The following KIAA1217 variants were observed in gnomAD, a reference collection of about 807,000 sequenced individuals.
KIAA1217 encodes the protein KIAA1217.
Under a neutral mutation model 163.9 loss-of-function variants are expected in KIAA1217, and 88 were observed. The ratio of observed to expected loss-of-function variants is 0.54; its 90% CI spans 0.45 to 0.64. The LOEUF (loss-of-function observed/expected upper bound fraction) is 0.64. Ranked by LOEUF, KIAA1217 falls within the 30% of genes least tolerant of loss-of-function variation. KIAA1217 has a pLI of 0.00. For synonymous variants in KIAA1217, 903 were observed against 923.1 expected (o/e 0.98, Z 0.39); for missense variants, 2,372 against 2,475.0 (o/e 0.96, Z 0.88).
At chr10:24,375,765 C>A (rs1411134571) in intron 2 of KIAA1217, among the ~76,000 whole-genome samples, 5 of 152,222 alleles carry the variant, frequency 3.3e-5, no homozygotes, top group Non-Finnish European at 7.3e-5. Flanking sequence ...AGTAAAACTT[C>A]ATCACGGCAA....
At chr10:24,060,359 C>T (rs1344379736) in intron 2 of KIAA1217, among the ~76,000 whole-genome samples, 2 of 151,870 alleles carry the variant, frequency 1.3e-5, no homozygotes, top group Admixed American at 6.6e-5. Context: ...TTCTGATTTC[C>T]CTTCTGGTTT....
At chr10:23,799,475 T>G (rs1836370290) in intron 1 of KIAA1217, among the ~76,000 whole-genome samples, 1 of 151,938 alleles carries the variant, frequency 6.6e-6, no homozygotes, top group Admixed American at 6.5e-5. Context: ...TTCAGCCTAT[T>G]TCTTTCCATT....
At chr10:23,984,005 T>A (rs1461934650) in intron 1 of KIAA1217, among the ~76,000 whole-genome samples, 3 of 152,174 alleles carry the variant, frequency 2.0e-5, no homozygotes, top group African/African-American at 4.8e-5. Context: ...ACAATCCCAT[T>A]TGAAAAGGTT....
intron 1 of KIAA1217, among the ~76,000 whole-genome samples, chr10:23,926,494 G>A (rs889727843): frequency 5.9e-5 from 9 of 152,084 alleles, no homozygotes; most frequent in African/African-American, 1.9e-4. Flanking sequence ...GGAGGGCGAC[G>A]TGAGTGGATC....
At chr10:23,901,930 AGG>A (rs1158941665) in intron 1 of KIAA1217, among the ~76,000 whole-genome samples, 11 of 146,466 alleles carry the variant, frequency 7.5e-5, no homozygotes, top group African/African-American at 2.5e-4. Context: ...AAAAAAAAAA[AGG>A]AAGAAAGAAA....
chr10:24,523,232 A>G (rs574051049), intron 12 of KIAA1217, among the ~76,000 whole-genome samples: 99 of 151,736 alleles, frequency 6.5e-4, no homozygotes, highest in South Asian at 1.3e-3. Context: ...TGAGGCAGGA[A>G]GATCTCTTGA....
At chr10:23,882,927 G>C (rs560804231) in intron 1 of KIAA1217, among the ~76,000 whole-genome samples, 1 of 151,834 alleles carries the variant, frequency 6.6e-6, no homozygotes, top group Non-Finnish European at 1.5e-5. Flanking sequence ...ACAGATGAGG[G>C]GACAGAGCAA....
intron 5 of KIAA1217, among the ~76,000 whole-genome samples, chr10:24,441,562 G>A (rs931497183): frequency 1.3e-5 from 2 of 152,146 alleles, no homozygotes; most frequent in Non-Finnish European, 2.9e-5. Context: ...GGGAAAACGT[G>A]TACTAAATTT....
At chr10:24,019,669 A>T (rs952171036) in intron 2 of KIAA1217, among the ~76,000 whole-genome samples, 7 of 151,952 alleles carry the variant, frequency 4.6e-5, no homozygotes, top group African/African-American at 1.7e-4. Flanking sequence ...TAAATAAATG[A>T]GCCCGGCTAC....
In KIAA1217 at chr10:24,133,588, AT is replaced by A. The variant is rs757628879; in HGVS notation, c.-170-86037del. On this transcript the variant is annotated intron_variant, in intron 2 of 18. Transcript: ENST00000376462. ...CTGTGTCTCAAAAAAAAAAAAAAAA[AT>A]GTCTTGCCTATTCCTCTTATCTCTC... Among the ~76,000 whole-genome samples the A allele has an allele frequency of 1.5e-4, 22 of 151,520 alleles. No individual in the cohort carries two copies. The East Asian group carries it at 3.3e-3, about 23-fold the overall frequency.
chr10:23,711,467 A>G (rs1837252391), intron 1 of KIAA1217, among the ~76,000 whole-genome samples: 1 of 152,184 alleles, frequency 6.6e-6, no homozygotes, highest in South Asian at 2.1e-4. Flanking sequence ...AGAACAGGCA[A>G]GAAACTAGAG....
intron 5 of KIAA1217, among the ~76,000 whole-genome samples, chr10:24,439,641 G>T (rs1454681926): frequency 6.8e-6 from 1 of 147,996 alleles, no homozygotes; most frequent in Non-Finnish European, 1.5e-5. Flanking sequence ...GCCCTAGGGA[G>T]AATCTTTTCT....
chr10:23,832,978 GC>G (rs1245302515), intron 1 of KIAA1217, among the ~76,000 whole-genome samples: 3 of 151,994 alleles, frequency 2.0e-5, no homozygotes, highest in African/African-American at 7.2e-5. Flanking sequence ...GGAAAGAACT[GC>G]CCCCATGATT....
At chr10:24,280,092 C>G (rs1177689127) in intron 2 of KIAA1217, among the ~76,000 whole-genome samples, 1 of 152,168 alleles carries the variant, frequency 6.6e-6, no homozygotes, top group African/African-American at 2.4e-5. Flanking sequence ...GATGTTCTTC[C>G]TTTATCCTTA....
At chr10:24,230,530 G>C (rs533012017) in intron 2 of KIAA1217, among the ~76,000 whole-genome samples, 5 of 94,874 alleles carry the variant, frequency 5.3e-5, no homozygotes, top group African/African-American at 2.1e-4. Context: ...TTTTGAGACA[G>C]AGTCTCACTC....
At chr10:24,040,012 C>A (rs1161605402) in intron 2 of KIAA1217, among the ~76,000 whole-genome samples, 1 of 152,140 alleles carries the variant, frequency 6.6e-6, no homozygotes, top group African/African-American at 2.4e-5. Context: ...AATAAGACGT[C>A]ATTCTATTCC....
intron 10 of KIAA1217, among the ~76,000 whole-genome samples, chr10:24,518,646 T>G (rs533582778): frequency 6.6e-6 from 1 of 152,308 alleles, no homozygotes; most frequent in South Asian, 2.1e-4. Flanking sequence ...AGGGAAGTCA[T>G]TCTGTTTGGT....
At chr10:23,794,992 C>G (rs1836130899) in intron 1 of KIAA1217, among the ~76,000 whole-genome samples, 1 of 152,172 alleles carries the variant, frequency 6.6e-6, no homozygotes, top group Admixed American at 6.5e-5. Flanking sequence ...AGCTGGGAAG[C>G]CCCAGGGCTT....
intron 1 of KIAA1217, among the ~76,000 whole-genome samples, chr10:23,721,979 T>G (rs996169840): frequency 6.6e-6 from 1 of 152,168 alleles, no homozygotes; most frequent in African/African-American, 2.4e-5. Context: ...CGAAATGTGA[T>G]GTAGTCATAC....
Sources: allele counts gnomAD v4.1 joint callset (sites outside exome capture counted in the v4.1 genomes callset), GRCh38; gene constraint gnomAD v4.1.1; transcripts MANE v1.5; gene names NCBI Gene and HGNC (gene_info 2026-07-23, HGNC 2026-07-21).